EPRS1: variants seen among roughly 807,000 people sequenced by gnomAD.
The protein encoded by EPRS1 is bifunctional glutamate/proline--tRNA ligase.
A neutral mutation model predicts 188.3 loss-of-function variants in EPRS1; 107 were observed. That is an observed-to-expected ratio of 0.57 (90% CI 0.49 to 0.67). The LOEUF is 0.67. Ranked by LOEUF, EPRS1 falls within the 30% of genes least tolerant of loss-of-function variation. The pLI is 0.00. For missense variants in EPRS1, 1,577 were observed against 1,802.2 expected (o/e 0.88, Z 2.26); for synonymous variants, 596 against 593.1 (o/e 1.00, Z -0.07).
At chr1:219,980,692 C>T (rs1660877736) in intron 25 of EPRS1, 64 bp downstream of exon 25, 1 of 1,180,140 alleles carries the variant, frequency 8.5e-7, no homozygotes, top group Admixed American at 2.0e-5. Context: ...TTTTAAATAA[C>T]AAAATTGCAG....
intron 27 of EPRS1, 76 bp from the exon 28 acceptor site, chr1:219,978,795 T>C (rs1660829117): frequency 3.0e-6 from 3 of 1,006,782 alleles, no homozygotes; most frequent in Admixed American, 4.9e-5. Flanking sequence ...AGTCGAAACC[T>C]ACCAGTGGCT....
intron 6 of EPRS1, among the ~76,000 whole-genome samples, chr1:220,028,467 G>GCACA (rs10570178): frequency 2.0e-5 from 3 of 151,092 alleles, no homozygotes; most frequent in Non-Finnish European, 4.4e-5. Flanking sequence ...ACACACACGC[G>GCACA]CACACACACA....
chr1:219,968,655 T>A lies in EPRS1; in HGVS notation c.*151A>T. 1.5e-6 allele frequency: 1 copy of A among 675,900 alleles called. No individual in the cohort carries two copies. Among genetic ancestry groups the A allele is most frequent in the Non-Finnish European group, 2.5e-6 (1 of 400,882 alleles). The allele number at this position is 675,900 out of a possible 1,614,324, so 41.9% of individuals were successfully genotyped here. A position where few individuals can be genotyped will look rare whatever the true frequency, so the allele number is the denominator to read the frequency against. On this transcript the variant is annotated 3_prime_UTR_variant, in exon 32 of 32. Coordinates refer to ENST00000366923, the MANE Select transcript of EPRS1 (RefSeq NM_004446.3). ...TTACAGAAAAGTCTTTTATCCACTG[T>A]TAACTTAGGCATAAGAATAATTGTC...
chr1:220,006,535 A>G (rs1558052992), intron 14 of EPRS1, among the ~76,000 whole-genome samples: 2 of 152,288 alleles, frequency 1.3e-5, no homozygotes, highest in East Asian at 3.9e-4. Context: ...ATAATCACTG[A>G]CATCGAGATA....
intron 15 of EPRS1, among the ~76,000 whole-genome samples, 161 bp downstream of exon 15, chr1:220,005,945 C>A (rs1047988512): frequency 2.4e-4 from 36 of 150,248 alleles, no homozygotes; most frequent in African/African-American, 8.8e-4. Flanking sequence ...GCTAGGATTA[C>A]AGGCATGAGC....
At chr1:219,982,703 A>C in intron 23 of EPRS1, 69 bp downstream of exon 23, 1 of 1,231,606 alleles carries the variant, frequency 8.1e-7, no homozygotes, top group South Asian at 1.2e-5. Context: ...GCAAAAGCTG[A>C]GACTCAACTT....
At chr1:220,013,787 C>T (rs1317958884) in intron 12 of EPRS1, among the ~76,000 whole-genome samples, 1 of 152,094 alleles carries the variant, frequency 6.6e-6, no homozygotes, top group African/African-American at 2.4e-5. Flanking sequence ...TGTATGAAGA[C>T]ATCATGAAGG....
In EPRS1 at chr1:219,988,776, C is replaced by T. The variant is rs747632022; in HGVS notation, c.2589G>A (p.Gln863=). 1.2e-6 allele frequency: 2 copies of T among 1,613,412 alleles called. No homozygotes were observed. Among genetic ancestry groups the T allele is most frequent in the Admixed American group, 3.3e-5 (2 of 59,976 alleles). ...ACTCCTTCCCAGTTTTTTCTTTATA[C>T]TGAGCCTTCAGGGACAGTAAGCATT... ...AVECLLSLKA[Q]YKEKTGKEYI... The change falls in exon 19 of 32, where the codon CAG becomes CAA. Residue 863 remains glutamine (Q), a synonymous_variant. Coordinates refer to ENST00000366923, the MANE Select transcript of EPRS1 (RefSeq NM_004446.3).
chr1:219,971,708 A>C (rs1660666949), intron 30 of EPRS1, among the ~76,000 whole-genome samples: 1 of 149,464 alleles, frequency 6.7e-6, no homozygotes, highest in Non-Finnish European at 1.5e-5. Flanking sequence ...AAAAACTTAC[A>C]TAATCAGTTC....
At chr1:219,973,130 G>C (rs1367165035) in intron 29 of EPRS1, 108 bp downstream of exon 29, 13 of 851,216 alleles carry the variant, frequency 1.5e-5, no homozygotes, top group Non-Finnish European at 2.3e-5. Context: ...GGTTCAGAGG[G>C]AGGGAACAAT....
chr1:219,996,031 G>GA (rs1661225181), intron 18 of EPRS1, among the ~76,000 whole-genome samples: 1 of 152,106 alleles, frequency 6.6e-6, no homozygotes, highest in Non-Finnish European at 1.5e-5. Context: ...ATTGTTTTTC[G>GA]TTGCAGTACT....
At chr1:219,980,007 G>T in intron 26 of EPRS1, 78 bp downstream of exon 26, 1 of 1,214,466 alleles carries the variant, frequency 8.2e-7, no homozygotes, top group Non-Finnish European at 1.2e-6. Flanking sequence ...CTACTTCTGT[G>T]ATGACAGAAG....
At chr1:219,997,601 T>C (rs1661262392) in intron 17 of EPRS1, among the ~76,000 whole-genome samples, 1 of 152,134 alleles carries the variant, frequency 6.6e-6, no homozygotes, top group South Asian at 2.1e-4. Flanking sequence ...ACCCTAAATC[T>C]TTGTCATTAG....
intron 9 of EPRS1, among the ~76,000 whole-genome samples, chr1:220,020,824 T>TTATATATATATA (rs71169429): frequency 5.6e-4 from 61 of 109,254 alleles, no homozygotes; most frequent in South Asian, 1.4e-3. Flanking sequence ...CAATTTGAAT[T>TTATATATATATA]TATATATATA....
At chr1:219,982,687 C>G (rs1477891600) in intron 23 of EPRS1, 85 bp downstream of exon 23, 2 of 1,044,042 alleles carry the variant, frequency 1.9e-6, no homozygotes, top group East Asian at 2.4e-5. Context: ...TTATAGCTAT[C>G]ACAAAGCAAA....
At chr1:220,039,813 C>T (rs1398626928) in intron 2 of EPRS1, among the ~76,000 whole-genome samples, 3 of 152,182 alleles carry the variant, frequency 2.0e-5, no homozygotes, top group Non-Finnish European at 4.4e-5. Context: ...CCACCGCGCC[C>T]GGCGATGCCG....
intron 16 of EPRS1, among the ~76,000 whole-genome samples, chr1:220,002,552 AC>A (rs1390871915): frequency 6.6e-6 from 1 of 152,004 alleles, no homozygotes; most frequent in African/African-American, 2.4e-5. Context: ...TTTCTGTAAA[AC>A]ATTTATTTAT....
intron 6 of EPRS1, among the ~76,000 whole-genome samples, chr1:220,027,181 T>C (rs751603312): frequency 5.3e-5 from 8 of 151,604 alleles, no homozygotes; most frequent in Admixed American, 1.3e-4. Flanking sequence ...TCCCATCACT[T>C]TGGGAGGTCG....
rs182375211 is a variant in EPRS1 at position 220,020,969 on chromosome 1, G to A, written c.1116-748C>T. ...GCGATCTCAGCTCAGTGCAACCTCCGCCTCCTGGGTTCAAGTGATTCTCAG... is the reference window on the plus strand; with the variant it reads ...GCGATCTCAGCTCAGTGCAACCTCCACCTCCTGGGTTCAAGTGATTCTCAG... On this transcript the variant is annotated intron_variant, in intron 9 of 31. Transcript: ENST00000366923. Among the ~76,000 whole-genome samples, 766 of 150,414 alleles carry A rather than the reference G, an allele frequency of 5.1e-3. 7 individuals carry two copies. Among genetic ancestry groups the A allele is most frequent in the African/African-American group, 0.018 (742 of 41,014 alleles).
Sources: gnomAD v4.1 joint callset for allele counts (sites outside exome capture counted in the v4.1 genomes callset) on GRCh38, gnomAD v4.1.1 for gene constraint, MANE v1.5 for transcripts, NCBI Gene and HGNC (gene_info 2026-07-23, HGNC 2026-07-21) for gene names.